IL4I1: variants seen among roughly 807,000 people sequenced by gnomAD.
IL4I1 encodes interleukin 4 induced 1, also known as L-amino-acid oxidase.
A neutral mutation model predicts 29.7 loss-of-function variants in IL4I1; 24 were observed. The ratio of observed to expected loss-of-function variants is 0.81; its 90% CI spans 0.59 to 1.14. The LOEUF is 1.14. Ranked by LOEUF, IL4I1 falls within the 50% of genes most tolerant of loss-of-function variation. The pLI is 0.00. For missense variants in IL4I1, 686 were observed against 785.6 expected (o/e 0.87, Z 1.52); for synonymous variants, 371 against 352.5 (o/e 1.05, Z -0.59).
At chr19:49,909,767 C>T in intron 2 of IL4I1, 2 of 1,614,152 alleles carry the variant, frequency 1.2e-6, no homozygotes, top group South Asian at 1.1e-5. Flanking sequence ...CGTGAACCCG[C>T]CTGTAGGGGC....
At chr19:49,913,486 C>T (rs1006098447) in intron 2 of IL4I1, among the ~76,000 whole-genome samples, 1 of 152,182 alleles carries the variant, frequency 6.6e-6, no homozygotes, top group African/African-American at 2.4e-5. Flanking sequence ...AGTCAGCAGA[C>T]CTCAGTTCAG....
At chr19:49,905,690 G>A (rs1165998713) in intron 2 of IL4I1, among the ~76,000 whole-genome samples, 3 of 152,228 alleles carry the variant, frequency 2.0e-5, no homozygotes, top group East Asian at 1.9e-4. Flanking sequence ...TCCACCTCTC[G>A]GGTTCAAGCG....
At chr19:49,890,660 G>T in intron 7 of IL4I1, 60 bp from the exon 8 acceptor site, 1 of 1,391,542 alleles carries the variant, frequency 7.2e-7, no homozygotes, top group African/African-American at 1.5e-5. Flanking sequence ...CTGCCCCTCT[G>T]CCTTGCCCCA....
intron 2 of IL4I1, chr19:49,909,127 A>G (rs369138922): frequency 6.2e-7 from 1 of 1,612,316 alleles, no homozygotes; most frequent in African/African-American, 1.3e-5. Flanking sequence ...AGGTTGGAGC[A>G]GTTGCTATTG....
chr19:49,910,614 G>T (rs3889700), intron 2 of IL4I1, among the ~76,000 whole-genome samples: 1 of 151,928 alleles, frequency 6.6e-6, no homozygotes, highest in Non-Finnish European at 1.5e-5. Context: ...TCACCTGTAG[G>T]TGTGGTGTGG....
rs1430022636 is a variant in IL4I1, at chr19:49,890,046, C to A, written c.1328G>T (p.Arg443Leu). 8.4e-6 allele frequency: 13 copies of A among 1,550,680 alleles called. No individual in the cohort carries two copies. Among genetic ancestry groups the A allele is most frequent in the Non-Finnish European group, 1.1e-5 (13 of 1,147,372 alleles). Residue 443 changes from arginine (R) to leucine (L), a missense_variant, in exon 8 of 8, where the codon CGT becomes CTT. Arg to Leu is a moderately radical substitution (Grantham distance 102). Transcript: ENST00000391826. ...CTGGCTGTGCTGGTCCTCCGCCCAA[C>A]GCTTGACGACGCCGGTGCCGTCCCA... ...QLWDGTGVVK[R>L]WAEDQHSQGG...
At position 49,889,788 on chromosome 19, in the gene IL4I1, T is replaced by G; in HGVS notation, c.1586A>C (p.His529Pro). Residue 529 changes from histidine (H) to proline (P), a missense_variant, in exon 8 of 8, where the codon CAT becomes CCT. Physicochemically the swap from His to Pro is moderately conservative, Grantham distance 77. Coordinates refer to ENST00000391826, the MANE Select transcript of IL4I1 (RefSeq NM_152899.2). ...GHASDMEGQG[H>P]VHGVASSPSH... is the part of the protein sequence containing the mutation. Reference sequence around the variant, plus strand: ...GGGGCTGCTGGCCACCCCATGCACATGCCCCTGCCCCTCCATGTCAGATGC... The same window carrying G: ...GGGGCTGCTGGCCACCCCATGCACAGGCCCCTGCCCCTCCATGTCAGATGC... 2 of 1,535,528 alleles carry G rather than the reference T, an allele frequency of 1.3e-6. No individual in the cohort carries two copies. Among genetic ancestry groups the G allele is most frequent in the Non-Finnish European group, 1.8e-6 (2 of 1,141,048 alleles).
chr19:49,917,092 G>T (rs1181313279), intron 2 of IL4I1, among the ~76,000 whole-genome samples: 1 of 152,226 alleles, frequency 6.6e-6, no homozygotes, highest in Non-Finnish European at 1.5e-5. Context: ...TTCAGATTTG[G>T]GGGAAGTATG....
chr19:49,896,411 C>T (rs537405151), intron 1 of IL4I1, among the ~76,000 whole-genome samples: 3 of 152,024 alleles, frequency 2.0e-5, no homozygotes, highest in African/African-American at 7.2e-5. Context: ...GTTCCTGTCT[C>T]TTTCTCTTCT....
intron 2 of IL4I1, among the ~76,000 whole-genome samples, chr19:49,917,031 G>C (rs2122687873): frequency 6.6e-6 from 1 of 152,384 alleles, no homozygotes; most frequent in Admixed American, 6.5e-5. Flanking sequence ...AGACGGACAG[G>C]GTGCGGAGCT....
At chr19:49,912,282 G>A (rs942803467) in intron 2 of IL4I1, among the ~76,000 whole-genome samples, 4 of 149,482 alleles carry the variant, frequency 2.7e-5, no homozygotes, top group African/African-American at 9.9e-5. Context: ...CGATTCTCTC[G>A]CCTCAGCTTC....
At chr19:49,926,903 T>C (rs2075907065) in intron 2 of IL4I1, among the ~76,000 whole-genome samples, 1 of 150,480 alleles carries the variant, frequency 6.6e-6, no homozygotes, top group African/African-American at 2.5e-5. Flanking sequence ...TCACCCAGGC[T>C]GCAGTGTGGT....
At chr19:49,891,353 C>T in intron 6 of IL4I1, 52 bp downstream of exon 6, 1 of 1,584,440 alleles carries the variant, frequency 6.3e-7, no homozygotes, top group East Asian at 2.2e-5. Flanking sequence ...GGGAAGGCCT[C>T]ATGGTCACTC....
At chr19:49,927,013 C>T (rs2075910621) in intron 2 of IL4I1, among the ~76,000 whole-genome samples, 2 of 151,988 alleles carry the variant, frequency 1.3e-5, no homozygotes, top group African/African-American at 2.4e-5. Flanking sequence ...GTGCAAACCA[C>T]CACACCCGAC....
At chr19:49,903,160 C>A (rs2075285632) in intron 3 of IL4I1, among the ~76,000 whole-genome samples, 1 of 152,056 alleles carries the variant, frequency 6.6e-6, no homozygotes, top group African/African-American at 2.4e-5. Context: ...TGTCAAGATG[C>A]AAATCACAGT....
chr19:49,889,822 CG>C lies in IL4I1; in HGVS notation c.1551del (p.Glu518ArgfsTer?). ...RKGPASDTAS[P>X]EGHASDMEGQ... ...CCCTCCATGTCAGATGCGTGCCCCT[CG>C]GGGCTGGCCGTGTCCGATGCAGGCC... On this transcript the variant is annotated frameshift_variant, in exon 8 of 8. Coordinates refer to ENST00000391826, the MANE Select transcript of IL4I1 (RefSeq NM_152899.2). LOFTEE classifies it low-confidence loss of function (END_TRUNC). 1 of 1,559,310 alleles carries C rather than the reference CG, an allele frequency of 6.4e-7. No homozygotes were observed. The highest frequency in any genetic ancestry group is 8.7e-7 in the Non-Finnish European group (1 of 1,152,084).
intron 2 of IL4I1, among the ~76,000 whole-genome samples, chr19:49,915,424 G>A (rs60939690): frequency 6.7e-4 from 102 of 152,270 alleles, no homozygotes; most frequent in African/African-American, 2.2e-3. Flanking sequence ...GAACACAGGC[G>A]GCTTCGGCCT....
At chr19:49,891,283 G>T in intron 6 of IL4I1, 122 bp downstream of exon 6, 2 of 1,410,238 alleles carry the variant, frequency 1.4e-6, no homozygotes, top group Non-Finnish European at 2.0e-6. Context: ...CCAGCCCCCG[G>T]GTCAGGCAGG....
rs531850741 is a variant in IL4I1, at chr19:49,909,951, G to A, written c.-227-5630C>T. The stretch of plus-strand genomic sequence containing the variant: ...AAGGCAAGCTCAGTGGCATGACTGG[G>A]CACAGTCGGTTTGGAGGGTGGTGGG... On this transcript the variant is annotated intron_variant, in intron 2 of 9. Transcript: ENST00000341114. 8.5e-6 allele frequency: 7 copies of A among 828,088 alleles called. No individual in the cohort carries two copies. The Admixed American group carries it at 1.0e-4, about 12-fold the overall frequency. 51.3% of individuals were successfully genotyped at this position (828,088 alleles called of 1,614,324 possible).
Sources: allele counts gnomAD v4.1 joint callset (sites outside exome capture counted in the v4.1 genomes callset), GRCh38; gene constraint gnomAD v4.1.1; transcripts MANE v1.5; gene names NCBI Gene and HGNC (gene_info 2026-07-23, HGNC 2026-07-21).